The following ZSCAN5A variants were observed in gnomAD, a reference collection of about 807,000 sequenced individuals.
ZSCAN5A encodes the protein zinc finger and SCAN domain containing 5A.
ZSCAN5A carries 12 observed loss-of-function variants against 23.7 expected under a neutral mutation model. That is an observed-to-expected ratio of 0.51 (90% CI 0.32 to 0.82). The LOEUF is 0.82. Among genes scored for constraint, ZSCAN5A ranks in the 40% least tolerant of loss-of-function variants. The pLI is 0.03. For synonymous variants in ZSCAN5A, 257 were observed against 239.9 expected (o/e 1.07, Z -0.66); for missense variants, 597 against 617.9 (o/e 0.97, Z 0.36).
chr19:56,301,318 G>T (rs1002189913), intron 2 of ZSCAN5A, among the ~76,000 whole-genome samples: 2 of 152,124 alleles, frequency 1.3e-5, no homozygotes, highest in Non-Finnish European at 2.9e-5. Context: ...ATTTCCTGGA[G>T]CTGAGGGTGC....
intron 1 of ZSCAN5A, among the ~76,000 whole-genome samples, chr19:56,366,641 C>T (rs886626776): frequency 1.3e-5 from 2 of 152,146 alleles, no homozygotes; most frequent in Non-Finnish European, 2.9e-5. Context: ...TCTACTCTAA[C>T]CAATCAAGTA....
At position 56,224,567 on chromosome 19, in the gene ZSCAN5A, C is replaced by T. The variant is rs572306145; in HGVS notation, c.384+96G>A. The stretch of plus-strand genomic sequence containing the variant: ...CTCTCCTCTACTTGGAAGCCCTGAC[C>T]TAGAGCAGCCCCTCGGGTCCTCTCG... On this transcript the variant is annotated intron_variant, in intron 3 of 5. Transcript: ENST00000683990. 196 of 1,476,522 alleles carry T rather than the reference C, an allele frequency of 1.3e-4. 1 individual carries two copies. Among genetic ancestry groups the T allele is most frequent in the South Asian group, 3.6e-4 (26 of 73,192 alleles). 91.5% of individuals were successfully genotyped at this position (1,476,522 alleles called of 1,614,324 possible).
intron 2 of ZSCAN5A, chr19:56,321,544 T>TTGTCTTCTTA: frequency 1.4e-6 from 1 of 720,040 alleles, no homozygotes; most frequent in Non-Finnish European, 2.5e-6. Flanking sequence ...TCTGGGTGTC[T>TTGTCTTCTTA]GTCTTCTTAA....
chr19:56,352,842 A>G lies in ZSCAN5A; in HGVS notation c.-358+10393T>C, dbSNP rs1249475964. On this transcript the variant is annotated intron_variant, in intron 2 of 6. Transcript: ENST00000587340. This position sits in a 1 kb window ranked among gnomAD's most constrained non-coding sequence, Gnocchi z 4.2. ...GTCCAAAGTCCAGGCCTAGTCAGGAAGAGGACTCAGGGAAGCCCAAGTCAA... is the reference window on the plus strand; with the variant it reads ...GTCCAAAGTCCAGGCCTAGTCAGGAGGAGGACTCAGGGAAGCCCAAGTCAA... Among the ~76,000 whole-genome samples, 4 of 152,224 alleles carry G rather than the reference A, an allele frequency of 2.6e-5. No individual in the cohort carries two copies. The highest frequency in any genetic ancestry group is 7.2e-5 in the African/African-American group (3 of 41,456).
intron 2 of ZSCAN5A, among the ~76,000 whole-genome samples, chr19:56,289,596 G>A (rs1420958982): frequency 6.6e-6 from 1 of 152,122 alleles, no homozygotes; most frequent in Non-Finnish European, 1.5e-5. Context: ...TTTCTCTTGT[G>A]TGTGGTGGTC....
chr19:56,368,084 A>C (rs1568771021), intron 1 of ZSCAN5A: 1 of 152,316 alleles, frequency 6.6e-6, no homozygotes, highest in African/African-American at 2.4e-5. Flanking sequence ...CGTTCTCAAC[A>C]CCGCCAACGG....
chr19:56,342,319 A>AC (rs397768200), intron 2 of ZSCAN5A: 2 of 150,626 alleles, frequency 1.3e-5, no homozygotes, highest in African/African-American at 4.9e-5. Context: ...CAAAAAAAAA[A>AC]CCTCTTTCTT....
chr19:56,282,526 C>CA, intron 2 of ZSCAN5A: 1 of 985,268 alleles, frequency 1.0e-6, no homozygotes, highest in Non-Finnish European at 1.2e-6. Context: ...ATCTCTTTCC[C>CA]TTTGGGGTCT....
chr19:56,304,226 T>A (rs986441111), intron 2 of ZSCAN5A, among the ~76,000 whole-genome samples: 4 of 152,170 alleles, frequency 2.6e-5, no homozygotes, highest in African/African-American at 9.7e-5. Context: ...ATGAGAGCCG[T>A]GCAGCAGTTC....
At chr19:56,333,843 A>AAGG (rs557852451) in intron 2 of ZSCAN5A, among the ~76,000 whole-genome samples, 206 of 151,230 alleles carry the variant, frequency 1.4e-3, no homozygotes, top group Non-Finnish European at 2.2e-3. Flanking sequence ...AGACAGGGGA[A>AAGG]AGGAAAAAGA....
intron 2 of ZSCAN5A, among the ~76,000 whole-genome samples, chr19:56,302,581 C>G (rs1342108691): frequency 5.0e-5 from 2 of 39,990 alleles, no homozygotes; most frequent in Non-Finnish European, 8.1e-5. Flanking sequence ...TTCTTCCTCC[C>G]CCTTTTCTTC....
chr19:56,348,241 G>C (rs755862949), intron 2 of ZSCAN5A: 4 of 152,182 alleles, frequency 2.6e-5, no homozygotes, highest in Non-Finnish European at 5.9e-5. Flanking sequence ...GTCTCTCTCT[G>C]TCTTCTCCTC....
At chr19:56,336,581 A>G (rs2041539046) in intron 2 of ZSCAN5A, among the ~76,000 whole-genome samples, 1 of 152,010 alleles carries the variant, frequency 6.6e-6, no homozygotes, top group African/African-American at 2.4e-5. Flanking sequence ...TCTTCTCTCA[A>G]CTCGTCAAAG....
At chr19:56,363,046 C>T (rs1390381355) in intron 2 of ZSCAN5A, 3 of 152,108 alleles carry the variant, frequency 2.0e-5, no homozygotes, top group African/African-American at 7.2e-5. Flanking sequence ...ATTAATGTCC[C>T]AAAGTTATAC....
chr19:56,252,841 C>G (rs2036441420), intron 2 of ZSCAN5A, among the ~76,000 whole-genome samples: 3 of 152,170 alleles, frequency 2.0e-5, no homozygotes, highest in Admixed American at 2.0e-4. Flanking sequence ...TATGGAGAGG[C>G]CTGTGGTAAG....
upstream of ZSCAN5A, chr19:56,316,417 C>G (rs1375760372): frequency 6.6e-6 from 1 of 152,332 alleles, no homozygotes; most frequent in Non-Finnish European, 1.5e-5. Flanking sequence ...CTTACTGATT[C>G]CAGATTTGTA....
intron 2 of ZSCAN5A, among the ~76,000 whole-genome samples, chr19:56,268,725 T>C (rs750379961): frequency 1.3e-5 from 2 of 152,288 alleles, no homozygotes; most frequent in Non-Finnish European, 2.9e-5. Flanking sequence ...GTCACCCACA[T>C]CTAGTTTTAA....
At chr19:56,294,324 G>A (rs1217058281) in intron 2 of ZSCAN5A, among the ~76,000 whole-genome samples, 1 of 152,240 alleles carries the variant, frequency 6.6e-6, no homozygotes, top group Non-Finnish European at 1.5e-5. Context: ...GAGACAGCCT[G>A]AGTTTTAAGG....
chr19:56,351,137 G>T lies in ZSCAN5A; in HGVS notation c.-358+12098C>A, dbSNP rs989114579. ...AGAAATCATTTTAGGCATACAGTAA[G>T]GGTAAAGGTTCTTGGTGAAAATTTT... On this transcript the variant is annotated intron_variant, in intron 2 of 6. Coordinates refer to the ZSCAN5A transcript ENST00000587340. The surrounding 1 kb of genome is among the most constrained non-coding windows in gnomAD (Gnocchi z 4.8). 6.6e-6 allele frequency among the ~76,000 whole-genome samples: 1 copy of T among 152,098 alleles called. No homozygotes were observed. Among genetic ancestry groups the T allele is most frequent in the Non-Finnish European group, 1.5e-5 (1 of 68,018 alleles).
Sources: gnomAD v4.1 joint callset for allele counts (sites outside exome capture counted in the v4.1 genomes callset) on GRCh38, gnomAD v4.1.1 for gene constraint, Gnocchi (gnomAD v3.1) non-coding constraint, MANE v1.5 for transcripts, NCBI Gene and HGNC (gene_info 2026-07-23, HGNC 2026-07-21) for gene names.